BRINP1: variants seen among roughly 807,000 people sequenced by gnomAD.
BRINP1 encodes the protein BMP/retinoic acid-inducible neural-specific protein 1.
A neutral mutation model predicts 72.9 loss-of-function variants in BRINP1; 17 were observed. The ratio of observed to expected loss-of-function variants is 0.23; its 90% confidence interval spans 0.16 to 0.35. The LOEUF (loss-of-function observed/expected upper bound fraction) is 0.35, where lower values mean the gene tolerates loss of function less well. BRINP1 is among the 10% of genes least tolerant of loss of function. BRINP1 has a pLI of 1.00. For synonymous variants in BRINP1, 418 were observed against 378.5 expected, an observed-to-expected ratio of 1.10 and a Z score of -1.21; for missense variants, 850 against 1,001.6, an observed-to-expected ratio of 0.85 and a Z score of 2.04.
At chr9:119,186,971 A>G (rs1333059622) in intron 7 of BRINP1, among the ~76,000 whole-genome samples, 2 of 151,944 alleles carry the variant, frequency 1.3e-5, no homozygotes, top group Non-Finnish European at 2.9e-5. Flanking sequence ...CCAAACTGCA[A>G]TTGTATCCTG....
At chr9:119,279,453 AAG>A (rs753898036) in intron 2 of BRINP1, among the ~76,000 whole-genome samples, 7 of 152,312 alleles carry the variant, frequency 4.6e-5, no homozygotes, top group Non-Finnish European at 1.0e-4. Context: ...AGTCTCCCTT[AAG>A]AGAGTTGAGC....
chr9:119,352,257 C>T (rs934847931), intron 1 of BRINP1, among the ~76,000 whole-genome samples: 7 of 152,220 alleles, frequency 4.6e-5, no homozygotes, highest in African/African-American at 1.7e-4. Flanking sequence ...TTAAGCATGA[C>T]GTTTCCTTCA....
intron 2 of BRINP1, among the ~76,000 whole-genome samples, chr9:119,283,471 T>C (rs1454811248): frequency 6.6e-6 from 1 of 152,182 alleles, no homozygotes; most frequent in Admixed American, 6.5e-5. Context: ...AACTTTGCCC[T>C]AAGGAATTTT....
chr9:119,313,904 A>G (rs1396180352), intron 1 of BRINP1, among the ~76,000 whole-genome samples: 2 of 152,218 alleles, frequency 1.3e-5, no homozygotes, highest in Non-Finnish European at 2.9e-5. Flanking sequence ...AGAGGTATCA[A>G]TAAACAAGAG....
intron 2 of BRINP1, among the ~76,000 whole-genome samples, chr9:119,308,679 C>T (rs915412761): frequency 6.6e-6 from 1 of 152,134 alleles, no homozygotes; most frequent in African/African-American, 2.4e-5. Context: ...AATAAATATG[C>T]AATACAGCCA....
At chr9:119,195,604 C>T (rs2118855517) in intron 7 of BRINP1, among the ~76,000 whole-genome samples, 1 of 152,292 alleles carries the variant, frequency 6.6e-6, no homozygotes, top group Middle Eastern at 3.4e-3. Context: ...TGTCCCTAAG[C>T]CACATGGGGT....
At chr9:119,367,697 A>AAGTG (rs1416082499) in intron 1 of BRINP1, among the ~76,000 whole-genome samples, 6 of 152,232 alleles carry the variant, frequency 3.9e-5, no homozygotes, top group Admixed American at 3.9e-4. Context: ...TTTTGGAGCC[A>AAGTG]AGTGAGAGAC....
At chr9:119,232,037 A>G (rs1482700375) in intron 5 of BRINP1, among the ~76,000 whole-genome samples, 1 of 152,144 alleles carries the variant, frequency 6.6e-6, no homozygotes, top group African/African-American at 2.4e-5. Flanking sequence ...GTAGGTTCCA[A>G]CTCAACTAGG....
intron 2 of BRINP1, among the ~76,000 whole-genome samples, chr9:119,303,803 G>A (rs1355474829): frequency 6.6e-6 from 1 of 151,956 alleles, no homozygotes; most frequent in Non-Finnish European, 1.5e-5. Flanking sequence ...TGCAGGGGTG[G>A]ATACTTCAGG....
intron 1 of BRINP1, among the ~76,000 whole-genome samples, chr9:119,343,057 T>C (rs375100507): frequency 2.6e-5 from 4 of 152,274 alleles, no homozygotes; most frequent in Middle Eastern, 3.4e-3. Flanking sequence ...GTTAGCAGAG[T>C]GCCTGCAACA....
At chr9:119,241,374 C>T (rs899970842) in intron 4 of BRINP1, among the ~76,000 whole-genome samples, 5 of 152,122 alleles carry the variant, frequency 3.3e-5, no homozygotes, top group African/African-American at 1.2e-4. Context: ...CAGCCATGCC[C>T]ATTTGTTTTT....
At chr9:119,273,084 C>T (rs760510482) in intron 2 of BRINP1, among the ~76,000 whole-genome samples, 7 of 152,140 alleles carry the variant, frequency 4.6e-5, no homozygotes, top group Non-Finnish European at 7.4e-5. Flanking sequence ...TAATCCACTG[C>T]ACAGGAATAA....
chr9:119,206,537 A>AG (rs1192639690), intron 7 of BRINP1, among the ~76,000 whole-genome samples: 8 of 152,082 alleles, frequency 5.3e-5, no homozygotes, highest in African/African-American at 1.7e-4. Context: ...AGCCAGAAAA[A>AG]GGGGCCTCAG....
intron 2 of BRINP1, among the ~76,000 whole-genome samples, chr9:119,253,336 G>A (rs1440080653): frequency 2.0e-5 from 3 of 152,088 alleles, no homozygotes; most frequent in Non-Finnish European, 4.4e-5. Context: ...TTTACAATAC[G>A]AAAAATGTGC....
chr9:119,196,266 C>CAAGGAA (rs1291863790), intron 7 of BRINP1, among the ~76,000 whole-genome samples: 6 of 152,180 alleles, frequency 3.9e-5, no homozygotes, highest in African/African-American at 1.4e-4. Flanking sequence ...ACCCTGGACA[C>CAAGGAA]AAGGCCCAGT....
At chr9:119,244,840 G>T (rs977441948) in intron 3 of BRINP1, among the ~76,000 whole-genome samples, 8 of 152,262 alleles carry the variant, frequency 5.3e-5, no homozygotes, top group African/African-American at 1.9e-4. Flanking sequence ...GAGTCTTTCT[G>T]TTCTCCAGGA....
At chr9:119,244,075 G>A (rs1331613840) in intron 3 of BRINP1, among the ~76,000 whole-genome samples, 3 of 151,896 alleles carry the variant, frequency 2.0e-5, no homozygotes, top group Non-Finnish European at 4.4e-5. Context: ...TTTTTCTCCC[G>A]GCTAACTTAT....
intron 7 of BRINP1, among the ~76,000 whole-genome samples, chr9:119,203,880 A>T (rs1829827668): frequency 6.6e-6 from 1 of 152,134 alleles, no homozygotes; most frequent in Non-Finnish European, 1.5e-5. Context: ...TCCAAAATAT[A>T]TGTCCCCTGC....
At chr9:119,266,457 A>G (rs1162587821) in intron 2 of BRINP1, among the ~76,000 whole-genome samples, 2 of 152,244 alleles carry the variant, frequency 1.3e-5, no homozygotes, top group African/African-American at 4.8e-5. Flanking sequence ...GGAATGCTCA[A>G]ATCAAGCTAA....
Sources: allele counts gnomAD v4.1 joint callset (sites outside exome capture counted in the v4.1 genomes callset), GRCh38; gene constraint gnomAD v4.1.1; transcripts MANE v1.5; gene names NCBI Gene and HGNC (gene_info 2026-07-23, HGNC 2026-07-21).